The following SMYD3 variants were observed in gnomAD, a reference collection of about 807,000 sequenced individuals.
The protein encoded by SMYD3 is SET and MYND domain containing 3.
Under a neutral mutation model 57.7 loss-of-function variants are expected in SMYD3, and 36 were observed. The ratio of observed to expected loss-of-function variants is 0.62; its 90% CI spans 0.48 to 0.82. SMYD3 has a LOEUF of 0.82. Ranked by LOEUF, SMYD3 falls within the 40% of genes least tolerant of loss-of-function variation. The pLI is 0.00. For missense variants in SMYD3, 515 were observed against 538.8 expected, an observed-to-expected ratio of 0.96 and a Z score of 0.44; for synonymous variants, 211 against 195.0, an observed-to-expected ratio of 1.08 and a Z score of -0.68.
intron 5 of SMYD3, among the ~76,000 whole-genome samples, chr1:246,002,260 C>T (rs1241171754): frequency 1.4e-5 from 2 of 139,606 alleles, no homozygotes; most frequent in Non-Finnish European, 3.2e-5. Context: ...TCTCGGCTCA[C>T]TGCAAGCTCC....
intron 7 of SMYD3, 59 bp from the exon 8 acceptor site, chr1:245,915,699 A>G: frequency 9.0e-7 from 1 of 1,105,884 alleles, no homozygotes; most frequent in Non-Finnish European, 1.3e-6. Flanking sequence ...TTCTTTAACA[A>G]ATGGTTATTA....
intron 5 of SMYD3, among the ~76,000 whole-genome samples, chr1:246,012,001 C>A (rs1234548441): frequency 1.3e-5 from 2 of 151,768 alleles, no homozygotes; most frequent in South Asian, 2.1e-4. Context: ...CCACTGATAC[C>A]AGCTACCAAT....
intron 10 of SMYD3, among the ~76,000 whole-genome samples, chr1:245,774,568 A>G (rs1266355000): frequency 6.6e-6 from 1 of 152,230 alleles, no homozygotes; most frequent in Non-Finnish European, 1.5e-5. Context: ...ATGGTTGCAC[A>G]TATATTAAAA....
intron 5 of SMYD3, among the ~76,000 whole-genome samples, chr1:246,160,755 C>G (rs2062103936): frequency 1.3e-5 from 2 of 152,202 alleles, no homozygotes; most frequent in Admixed American, 6.5e-5. Flanking sequence ...CAAGCTCTCA[C>G]ATGGGGGACA....
At chr1:246,288,062 C>CTTTTTTTTTTTTTTTTTTTTTTTTTT (rs67603439) in intron 5 of SMYD3, among the ~76,000 whole-genome samples, 1 of 64,216 alleles carries the variant, frequency 1.6e-5, no homozygotes, top group Admixed American at 2.1e-4. Context: ...TCAGGTAATT[C>CTTTTTTTTTTTTTTTTTTTTTTTTTT]TTTTTTTTTT....
At chr1:246,461,043 ATAT>A (rs772305369) in intron 1 of SMYD3, among the ~76,000 whole-genome samples, 2 of 152,260 alleles carry the variant, frequency 1.3e-5, no homozygotes, top group Admixed American at 6.5e-5. Flanking sequence ...CTGTGCTCAA[ATAT>A]TATTAAAGGC....
At chr1:246,340,332 C>T (rs2152086) in intron 2 of SMYD3, among the ~76,000 whole-genome samples, 130,367 of 151,870 alleles carry the variant, frequency 0.86, 56,273 homozygotes, top group African/African-American at 0.92. Context: ...GTCTAAAATA[C>T]ATATATAGAC....
chr1:245,855,183 C>T (rs2051175882), intron 10 of SMYD3, among the ~76,000 whole-genome samples: 1 of 152,228 alleles, frequency 6.6e-6, no homozygotes, highest in Non-Finnish European at 1.5e-5. Flanking sequence ...TGAAAGTCCT[C>T]TTCAAAGCCG....
intron 10 of SMYD3, among the ~76,000 whole-genome samples, chr1:245,842,319 G>A (rs936682006): frequency 1.3e-5 from 2 of 152,206 alleles, no homozygotes; most frequent in Non-Finnish European, 2.9e-5. Flanking sequence ...GCTCTTCGTG[G>A]ACTTGGTGTA....
intron 5 of SMYD3, among the ~76,000 whole-genome samples, chr1:245,987,452 A>AG (rs1041983330): frequency 7.2e-5 from 11 of 152,052 alleles, no homozygotes; most frequent in Admixed American, 5.9e-4. Context: ...AAAAAGATCT[A>AG]GAAAAAAAAC....
At chr1:246,205,607 GTCA>G (rs1453963735) in intron 5 of SMYD3, among the ~76,000 whole-genome samples, 3 of 152,308 alleles carry the variant, frequency 2.0e-5, no homozygotes, top group South Asian at 4.1e-4. Flanking sequence ...AGATCGTGAG[GTCA>G]GGAGTTTGAG....
At chr1:246,263,339 T>C (rs901518758) in intron 5 of SMYD3, among the ~76,000 whole-genome samples, 11 of 131,454 alleles carry the variant, frequency 8.4e-5, no homozygotes, top group Non-Finnish European at 1.6e-4. Context: ...AATGACAGGA[T>C]GTATGTGACC....
chr1:246,138,999 G>C (rs1337672296), intron 5 of SMYD3, among the ~76,000 whole-genome samples: 2 of 152,106 alleles, frequency 1.3e-5, no homozygotes, highest in African/African-American at 2.4e-5. Context: ...ACAGAGGAAG[G>C]GGTTTTTATC....
chr1:246,483,702 T>C (rs2068143683), intron 1 of SMYD3: 1 of 151,192 alleles, frequency 6.6e-6, no homozygotes, highest in Admixed American at 6.6e-5. Flanking sequence ...CTATGAACAA[T>C]TAAGATGGCA....
intron 8 of SMYD3, among the ~76,000 whole-genome samples, chr1:245,881,633 G>A (rs1163971129): frequency 2.0e-5 from 3 of 152,172 alleles, no homozygotes; most frequent in Non-Finnish European, 4.4e-5. Context: ...AAGACTGATA[G>A]GGTCATTAGT....
At chr1:246,170,663 A>G (rs1572149276) in intron 5 of SMYD3, among the ~76,000 whole-genome samples, 2 of 152,070 alleles carry the variant, frequency 1.3e-5, no homozygotes, top group South Asian at 4.1e-4. Context: ...GGGCATTAAC[A>G]TTTCTTGTTC....
chr1:246,326,696 G>A (rs1316988219), intron 5 of SMYD3: 2 of 291,478 alleles, frequency 6.9e-6, no homozygotes, highest in Non-Finnish European at 6.3e-6. Context: ...TCTGGGAGGC[G>A]GAGATTGCAG....
intron 10 of SMYD3, among the ~76,000 whole-genome samples, chr1:245,823,355 T>C (rs1324162425): frequency 1.6e-5 from 1 of 63,950 alleles, no homozygotes; most frequent in Non-Finnish European, 7.1e-5. Flanking sequence ...TTGCTCGCTC[T>C]CGCTCTCTCT....
At chr1:246,346,401 A>G (rs1262046912) in intron 2 of SMYD3, among the ~76,000 whole-genome samples, 1 of 152,220 alleles carries the variant, frequency 6.6e-6, no homozygotes, top group African/African-American at 2.4e-5. Flanking sequence ...CTAGCTATCA[A>G]GAAAAAACTA....
Sources: allele counts gnomAD v4.1 joint callset (sites outside exome capture counted in the v4.1 genomes callset), GRCh38; gene constraint gnomAD v4.1.1; transcripts MANE v1.5; gene names NCBI Gene and HGNC (gene_info 2026-07-23, HGNC 2026-07-21).